The following EGLN2 variants were observed in gnomAD, a reference collection of about 807,000 sequenced individuals.
EGLN2 encodes egl-9 family hypoxia inducible factor 2, also known as prolyl hydroxylase EGLN2.
Under a neutral mutation model 38.2 loss-of-function variants are expected in EGLN2, and 15 were observed. That is an observed-to-expected ratio of 0.39 (90% CI 0.26 to 0.60). The LOEUF (loss-of-function observed/expected upper bound fraction) is 0.60, where lower values mean the gene tolerates loss of function less well. Among genes scored for constraint, EGLN2 ranks in the 20% least tolerant of loss-of-function variants. The probability of loss-of-function intolerance (pLI) is 0.50; values close to 1 mark genes in which losing one functional copy is unlikely to be tolerated. For synonymous variants in EGLN2, 284 were observed against 237.4 expected, an observed-to-expected ratio of 1.20 and a Z score of -1.81; for missense variants, 492 against 570.4, an observed-to-expected ratio of 0.86 and a Z score of 1.40.
At chr19:40,802,647 G>A (rs2083270935) in intron 2 of EGLN2, among the ~76,000 whole-genome samples, 1 of 152,198 alleles carries the variant, frequency 6.6e-6, no homozygotes, top group Non-Finnish European at 1.5e-5. Context: ...AGGAACCTGG[G>A]GTCAGGAGCC....
chr19:40,799,478 G>A (rs1205458205), intron 1 of EGLN2: 1 of 149,596 alleles, frequency 6.7e-6, no homozygotes, highest in African/African-American at 2.5e-5. Context: ...AGCGCGCGCC[G>A]GGCGGAGGCC....
At position 40,801,177 on chromosome 19, in the gene EGLN2, T is replaced by C; in HGVS notation, c.605T>C (p.Leu202Pro). Residue 202 changes from leucine to proline, a missense_variant, in exon 2 of 6, where the codon CTG becomes CCG. Coordinates refer to ENST00000303961, the MANE Select transcript of EGLN2 (RefSeq NM_080732.4). ...AAGGACAGCTTCCTGGGGGCAGCAC[T>C]GGGCGGTCGCGTGCTGGCCGAGGTG... The part of the protein sequence containing the change: ...CVKDSFLGAA[L>P]GGRVLAEVEA... 1 of 1,612,842 alleles carries C rather than the reference T, an allele frequency of 6.2e-7. No homozygotes were observed. Among genetic ancestry groups the C allele is most frequent in the Non-Finnish European group, 8.5e-7 (1 of 1,179,908 alleles).
In EGLN2 at chr19:40,807,982, C is replaced by A. The variant is rs1449875817; in HGVS notation, c.*118C>A. On this transcript the variant is annotated 3_prime_UTR_variant, in exon 6 of 6. Coordinates refer to ENST00000303961, the MANE Select transcript of EGLN2 (RefSeq NM_080732.4). The stretch of plus-strand genomic sequence containing the variant: ...GCTTCTGACTTTGCCTCTGTCCTGC[C>A]TGGTGTGGAGGGCTCTGTCTGTTGC... The A allele has an allele frequency of 3.0e-6, 3 of 1,013,734 alleles. No individual in the cohort carries two copies. Among genetic ancestry groups the A allele is most frequent in the Non-Finnish European group, 4.5e-6 (3 of 669,988 alleles). 62.8% of individuals were successfully genotyped at this position (1,013,734 alleles called of 1,614,324 possible).
At chr19:40,801,651 C>CTTTTTTTTTTTTTTTTTTTTTTTTTTTT (rs58809253) in intron 2 of EGLN2, among the ~76,000 whole-genome samples, 1 of 102,714 alleles carries the variant, frequency 9.7e-6, no homozygotes, top group Non-Finnish European at 1.9e-5. Context: ...CACAGTGGTT[C>CTTTTTTTTTTTTTTTTTTTTTTTTTTTT]TTTTTTTTTT....
chr19:40,807,180 G>C lies in EGLN2; in HGVS notation c.1006G>C (p.Val336Leu). The C allele has an allele frequency of 6.2e-7, 1 of 1,614,154 alleles. No individual in the cohort carries two copies. The highest frequency in any genetic ancestry group is 8.5e-7 in the Non-Finnish European group (1 of 1,180,018). Residue 336 changes from valine (V) to leucine (L), a missense_variant, in exon 4 of 6, where the codon GTG becomes CTG. Transcript: ENST00000303961. ...LLQIFPEGRP[V>L]VANIEPLFDR... is the part of the protein sequence containing the mutation. Reference sequence around the variant, plus strand: ...GCAGATCTTCCCTGAGGGCCGGCCCGTGGTAGCCAACATCGAGCCACTCTT... The same window carrying C: ...GCAGATCTTCCCTGAGGGCCGGCCCCTGGTAGCCAACATCGAGCCACTCTT...
At chr19:40,803,335 C>T (rs11666504) in intron 2 of EGLN2, 21,056 of 152,110 alleles carry the variant, frequency 0.14, 1,676 homozygotes, top group Middle Eastern at 0.2. Context: ...AGGGCCCCAG[C>T]GAGGATTGGG....
Position 40,808,335 on chromosome 19 carries a change from C to T in EGLN2, c.*471C>T. On this transcript the variant is annotated 3_prime_UTR_variant, in exon 6 of 6. Transcript: ENST00000303961. ...TTGGCCATGGCAGGCACCTTTTGGA[C>T]TGGGCTGCCACTGCTTGGGCAGAGT... 2.4e-6 allele frequency: 1 copy of T among 408,650 alleles called. No individual in the cohort carries two copies. Among genetic ancestry groups the T allele is most frequent in the Non-Finnish European group, 4.3e-6 (1 of 231,200 alleles). The allele number at this position is 408,650 out of a possible 1,614,324, so 25.3% of individuals were successfully genotyped here.
chr19:40,808,386 G>A lies in EGLN2; in HGVS notation c.*522G>A, dbSNP rs1195004990. 4 of 401,480 alleles carry A rather than the reference G, an allele frequency of 1.0e-5. No individual in the cohort carries two copies. Among genetic ancestry groups the A allele is most frequent in the African/African-American group, 4.1e-5 (2 of 48,712 alleles). 24.9% of individuals were successfully genotyped at this position (401,480 alleles called of 1,614,324 possible). On this transcript the variant is annotated 3_prime_UTR_variant, in exon 6 of 6. Transcript: ENST00000303961. ...AAAAGGTGCCAGGAGGAGCATGGGT[G>A]TGGAAGTCCTGTCAGCCAAGAAATA... is the stretch of plus-strand genomic sequence containing the variant.
At chr19:40,805,446 G>T (rs1306118292) in intron 2 of EGLN2, 1 of 152,192 alleles carries the variant, frequency 6.6e-6, no homozygotes, top group Non-Finnish European at 1.5e-5. Context: ...TTGTTATCTT[G>T]TTCACTTGTT....
At position 40,807,936 on chromosome 19, in the gene EGLN2, T is replaced by C; in HGVS notation, c.*72T>C. Reference sequence around the variant, plus strand: ...AGAGCCCTGGGCCTGTGCTGGCTGCTCCTTCCCTGCCACCGCTGCTGCTTC... The same window carrying C: ...AGAGCCCTGGGCCTGTGCTGGCTGCCCCTTCCCTGCCACCGCTGCTGCTTC... On this transcript the variant is annotated 3_prime_UTR_variant, in exon 6 of 6. Coordinates refer to ENST00000303961, the MANE Select transcript of EGLN2 (RefSeq NM_080732.4). 1.4e-6 allele frequency: 2 copies of C among 1,449,660 alleles called. No individual in the cohort carries two copies. The highest frequency in any genetic ancestry group is 1.8e-5 in the Admixed American group (1 of 55,560). 89.8% of individuals were successfully genotyped at this position (1,449,660 alleles called of 1,614,324 possible). A position where few individuals can be genotyped will look rare whatever the true frequency, so the allele number is the denominator to read the frequency against.
intron 1 of EGLN2, 31 bp from the exon 2 acceptor site, chr19:40,800,308 T>A: frequency 2.2e-6 from 1 of 452,360 alleles, no homozygotes; most frequent in Non-Finnish European, 3.9e-6. Context: ...CTAGTTTCTC[T>A]CACATCCCTT....
intron 2 of EGLN2, 35 bp downstream of exon 2, chr19:40,801,450 T>C (rs1429222238): frequency 6.3e-7 from 1 of 1,579,258 alleles, no homozygotes; most frequent in Non-Finnish European, 8.6e-7. Flanking sequence ...GGAGGGGCTT[T>C]GCAGCACCCT....
Position 40,801,063 on chromosome 19 carries a change from G to A in EGLN2, c.491G>A (p.Gly164Glu). Residue 164 changes from glycine to glutamate, a missense_variant, in exon 2 of 6, where the codon GGG becomes GAG. Transcript: ENST00000303961. ...AGTGGCAGTGGTGAGGCCAGTGCTGGGCTGATGGAGGAGGCGCTGCCCTCT... is the reference window on the plus strand; with the variant it reads ...AGTGGCAGTGGTGAGGCCAGTGCTGAGCTGATGGAGGAGGCGCTGCCCTCT... ...CSSGSGEASAGLMEEALPSAP... is the reference protein window; with the variant it reads ...CSSGSGEASAELMEEALPSAP... 6.2e-7 allele frequency: 1 copy of A among 1,612,900 alleles called. No homozygotes were observed.
intron 3 of EGLN2, 119 bp downstream of exon 3, chr19:40,806,793 C>A: frequency 7.3e-7 from 1 of 1,377,498 alleles, no homozygotes; most frequent in Non-Finnish European, 1.0e-6. Context: ...TTTCTCTTCT[C>A]AACACACAGC....
Position 40,800,644 on chromosome 19 carries a change from C to T in EGLN2, c.72C>T (p.Pro24=). The part of the protein sequence containing the change: ...LPQLPGSSSE[P]LEPEPGRARM... ...AGTTACCAGGGTCTTCGTCAGAGCC[C>T]TTGGAGCCTGAGCCTGGCCGGGCCA... The change falls in exon 2 of 6, where the codon CCC becomes CCT. Residue 24 remains proline (P), a synonymous_variant. Transcript: ENST00000303961. 1 of 1,614,004 alleles carries T rather than the reference C, an allele frequency of 6.2e-7. No homozygotes were observed. The highest frequency in any genetic ancestry group is 1.1e-5 in the South Asian group (1 of 91,076).
intron 5 of EGLN2, 87 bp from the exon 6 acceptor site, chr19:40,807,721 TC>T: frequency 2.0e-6 from 3 of 1,492,368 alleles, no homozygotes; most frequent in Non-Finnish European, 2.8e-6. Flanking sequence ...CCCCATTTCT[TC>T]CTGGTCCTCT....
Position 40,800,873 on chromosome 19 carries a change from A to G in EGLN2, c.301A>G (p.Thr101Ala). 2.5e-6 allele frequency: 4 copies of G among 1,611,834 alleles called. No homozygotes were observed. The highest frequency in any genetic ancestry group is 3.4e-6 in the Non-Finnish European group (4 of 1,179,366). Residue 101 changes from threonine to alanine, a missense_variant, in exon 2 of 6, where the codon ACC becomes GCC. By Grantham distance (58) the Thr-to-Ala change is moderately conservative. This residue lies in a region of EGLN2 where 378 missense variants were observed against 386.2 expected (regional missense o/e 0.98). Transcript: ENST00000303961. ...GAGTGAAGGCGCTGCAGCGCTGGTCACCAAGGGGTGCCAGCGATTGGCAGC... is the reference window on the plus strand; with the variant it reads ...GAGTGAAGGCGCTGCAGCGCTGGTCGCCAAGGGGTGCCAGCGATTGGCAGC... ...LQSEGAAALV[T>A]KGCQRLAAQG...
chr19:40,806,614 C>A lies in EGLN2; in HGVS notation c.903C>A (p.Pro301=). 1.9e-6 allele frequency: 3 copies of A among 1,614,146 alleles called. No homozygotes were observed. Among genetic ancestry groups the A allele is most frequent in the Non-Finnish European group, 2.5e-6 (3 of 1,180,014 alleles). The stretch of plus-strand genomic sequence containing the variant: ...GGTACGTAAGGCACGTTGACAATCC[C>A]CACGGCGATGGGCGCTGCATCACCT... ...GLGYVRHVDN[P]HGDGRCITCI... The change falls in exon 3 of 6, where the codon CCC becomes CCA. Residue 301 remains proline (P), a synonymous_variant. Transcript: ENST00000303961.
intron 2 of EGLN2, among the ~76,000 whole-genome samples, chr19:40,801,674 CTTTT>C (rs1365519384): frequency 4.0e-4 from 32 of 80,486 alleles, no homozygotes; most frequent in Non-Finnish European, 5.9e-4. Context: ...TTTTTTTTTT[CTTTT>C]CTTTTTTTAT....
Sources: allele counts gnomAD v4.1 joint callset (sites outside exome capture counted in the v4.1 genomes callset), GRCh38; gene constraint gnomAD v4.1.1; regional missense constraint gnomAD v4.1.1; transcripts MANE v1.5; gene names NCBI Gene and HGNC (gene_info 2026-07-23, HGNC 2026-07-21).